The following CACNA2D3 variants were observed in gnomAD, a reference collection of about 807,000 sequenced individuals.
CACNA2D3 encodes calcium voltage-gated channel auxiliary subunit alpha2delta 3.
CACNA2D3 carries 60 observed loss-of-function variants against 160.6 expected under a neutral mutation model. That is an observed-to-expected ratio of 0.37 (90% CI 0.30 to 0.46). The LOEUF is 0.46. Among genes scored for constraint, CACNA2D3 ranks in the 20% least tolerant of loss-of-function variants. CACNA2D3 has a pLI of 1.00. For synonymous variants in CACNA2D3, 558 were observed against 492.9 expected, an observed-to-expected ratio of 1.13 and a Z score of -1.75; for missense variants, 1,205 against 1,365.0, an observed-to-expected ratio of 0.88 and a Z score of 1.85.
intron 2 of CACNA2D3, among the ~76,000 whole-genome samples, chr3:54,226,145 A>ATAG (rs1340988514): frequency 6.6e-6 from 1 of 152,034 alleles, no homozygotes; most frequent in African/African-American, 2.4e-5. Context: ...GAGACTGATG[A>ATAG]TAGGTCTGTT....
chr3:54,894,644 C>T (rs746026301), intron 25 of CACNA2D3: 3 of 512,956 alleles, frequency 5.8e-6, no homozygotes, highest in East Asian at 1.1e-4. Context: ...TCTGCTCAGT[C>T]GTGGCTGCAC....
intron 11 of CACNA2D3, among the ~76,000 whole-genome samples, chr3:54,658,975 T>C (rs992082537): frequency 2.0e-5 from 3 of 152,060 alleles, no homozygotes; most frequent in Non-Finnish European, 4.4e-5. Context: ...CTGTTCCCTC[T>C]CTCTGGGGCA....
At chr3:54,371,801 A>T (rs1302326439) in intron 3 of CACNA2D3, among the ~76,000 whole-genome samples, 1 of 152,246 alleles carries the variant, frequency 6.6e-6, no homozygotes, top group African/African-American at 2.4e-5. Flanking sequence ...TCACACTCTG[A>T]TATCTTCAAT....
chr3:54,578,016 G>T (rs1702614831), intron 8 of CACNA2D3, among the ~76,000 whole-genome samples: 1 of 152,160 alleles, frequency 6.6e-6, no homozygotes, highest in South Asian at 2.1e-4. Flanking sequence ...CCGTGTAGTT[G>T]GTGGGCTGGA....
intron 2 of CACNA2D3, among the ~76,000 whole-genome samples, chr3:54,206,749 C>T (rs992449389): frequency 6.6e-6 from 1 of 152,092 alleles, no homozygotes; most frequent in Non-Finnish European, 1.5e-5. Flanking sequence ...TTCCTGTTTC[C>T]TTTATTTAGG....
At chr3:54,896,685 T>G (rs1575538190) in intron 25 of CACNA2D3, 64 bp from the exon 26 acceptor site, 1 of 1,605,822 alleles carries the variant, frequency 6.2e-7, no homozygotes. Flanking sequence ...GCTGTCGGGG[T>G]GCTCCAGGCC....
At chr3:54,504,525 T>A (rs1210897792) in intron 5 of CACNA2D3, among the ~76,000 whole-genome samples, 4 of 152,234 alleles carry the variant, frequency 2.6e-5, no homozygotes, top group Non-Finnish European at 5.9e-5. Flanking sequence ...GTTTTCAGCA[T>A]CTTTATCCTA....
intron 35 of CACNA2D3, among the ~76,000 whole-genome samples, chr3:55,030,818 A>G (rs978347783): frequency 7.2e-5 from 11 of 152,152 alleles, no homozygotes; most frequent in Admixed American, 2.0e-4. Context: ...AGGTGTTGCT[A>G]TCTTTACTTG....
At chr3:54,169,503 C>A (rs917665323) in intron 2 of CACNA2D3, among the ~76,000 whole-genome samples, 1 of 152,058 alleles carries the variant, frequency 6.6e-6, no homozygotes, top group Non-Finnish European at 1.5e-5. Context: ...TACTGCACTT[C>A]GGCTATACAC....
intron 17 of CACNA2D3, among the ~76,000 whole-genome samples, chr3:54,869,342 C>T (rs1459266505): frequency 6.6e-6 from 1 of 152,150 alleles, no homozygotes; most frequent in Non-Finnish European, 1.5e-5. Flanking sequence ...GCATTATGGG[C>T]AATAAATTGA....
At chr3:54,432,521 AT>A (rs543686087) in intron 4 of CACNA2D3, among the ~76,000 whole-genome samples, 2 of 152,102 alleles carry the variant, frequency 1.3e-5, no homozygotes, top group South Asian at 2.1e-4. Context: ...ATTATCTGTG[AT>A]TTTTTTTCCC....
intron 35 of CACNA2D3, among the ~76,000 whole-genome samples, chr3:55,019,643 G>T (rs1041332379): frequency 6.6e-6 from 1 of 152,118 alleles, no homozygotes; most frequent in Admixed American, 6.5e-5. Flanking sequence ...TGCTCTTTGA[G>T]ATCGACTTGT....
intron 2 of CACNA2D3, among the ~76,000 whole-genome samples, chr3:54,182,089 C>T (rs964799334): frequency 1.3e-5 from 2 of 151,996 alleles, no homozygotes; most frequent in Non-Finnish European, 2.9e-5. Context: ...TAGATTGCCC[C>T]AGAGCTGAAG....
intron 9 of CACNA2D3, among the ~76,000 whole-genome samples, chr3:54,612,444 T>G (rs545003786): frequency 2.0e-5 from 3 of 152,290 alleles, no homozygotes; most frequent in African/African-American, 7.2e-5. Context: ...GTTGGCTTTA[T>G]GGAAGTAAAG....
intron 4 of CACNA2D3, among the ~76,000 whole-genome samples, chr3:54,487,826 G>A (rs1327695033): frequency 6.6e-6 from 1 of 152,236 alleles, no homozygotes; most frequent in African/African-American, 2.4e-5. Flanking sequence ...CAGTTCTTCA[G>A]TCACACTGGT....
chr3:54,653,625 T>C (rs1699817336), intron 11 of CACNA2D3, among the ~76,000 whole-genome samples: 1 of 152,202 alleles, frequency 6.6e-6, no homozygotes, highest in Non-Finnish European at 1.5e-5. Context: ...TTACTTCTGC[T>C]GGTATTAGAC....
intron 4 of CACNA2D3, among the ~76,000 whole-genome samples, chr3:54,478,898 C>T (rs1229508930): frequency 6.6e-6 from 1 of 151,070 alleles, no homozygotes; most frequent in Non-Finnish European, 1.5e-5. Context: ...TAATCTCTTA[C>T]ATTGCCTAAT....
chr3:54,707,985 G>C (rs1471780824), intron 11 of CACNA2D3, among the ~76,000 whole-genome samples: 21 of 152,162 alleles, frequency 1.4e-4, no homozygotes, highest in Admixed American at 1.4e-3. Context: ...AAGTCCACCT[G>C]TATCCACAGA....
chr3:54,512,467 A>G (rs1701474978), intron 5 of CACNA2D3, among the ~76,000 whole-genome samples: 1 of 152,242 alleles, frequency 6.6e-6, no homozygotes, highest in Non-Finnish European at 1.5e-5. Context: ...GGTCCCCCAC[A>G]GTGGCATGGC....
Sources: gnomAD v4.1 joint callset for allele counts (sites outside exome capture counted in the v4.1 genomes callset) on GRCh38, gnomAD v4.1.1 for gene constraint, MANE v1.5 for transcripts, NCBI Gene and HGNC (gene_info 2026-07-23, HGNC 2026-07-21) for gene names.